Variants in KREMEN1 observed in about 807,000 individuals in gnomAD.
KREMEN1 encodes the protein kringle containing transmembrane protein 1.
A neutral mutation model predicts 46.5 loss-of-function variants in KREMEN1; 30 were observed. That is an observed-to-expected ratio of 0.65 (90% CI 0.48 to 0.88). KREMEN1 has a LOEUF of 0.88. Ranked by LOEUF, KREMEN1 falls within the 40% of genes least tolerant of loss-of-function variation. KREMEN1 has a pLI of 0.00. For synonymous variants in KREMEN1, 214 were observed against 230.6 expected, an observed-to-expected ratio of 0.93 and a Z score of 0.65; for missense variants, 533 against 596.9, an observed-to-expected ratio of 0.89 and a Z score of 1.11.
At chr22:29,087,550 C>A (rs145935330) in intron 1 of KREMEN1, among the ~76,000 whole-genome samples, 39 of 151,320 alleles carry the variant, frequency 2.6e-4, no homozygotes, top group Admixed American at 2.6e-3. Context: ...GTTTTCCTAC[C>A]ACTATCTTAT....
chr22:29,147,012 T>C (rs1303144390), downstream of KREMEN1, among the ~76,000 whole-genome samples: 1 of 152,104 alleles, frequency 6.6e-6, no homozygotes, highest in Non-Finnish European at 1.5e-5. Context: ...CTTCAGCTGG[T>C]ACGATCTGAA....
chr22:29,141,517 A>G (rs2038762636), intron 8 of KREMEN1, among the ~76,000 whole-genome samples: 1 of 152,244 alleles, frequency 6.6e-6, no homozygotes, highest in South Asian at 2.1e-4. Context: ...GGGGCTGAAC[A>G]GAGTCCGGGC....
At chr22:29,148,339 G>A (rs183732669), downstream of KREMEN1, among the ~76,000 whole-genome samples, 3 of 152,294 alleles carry the variant, frequency 2.0e-5, no homozygotes, top group East Asian at 1.9e-4. Flanking sequence ...GGGGGACAGC[G>A]TCCTGGGATG....
chr22:29,138,882 T>C, intron 7 of KREMEN1, 100 bp downstream of exon 7: 1 of 1,557,232 alleles, frequency 6.4e-7, no homozygotes, highest in Non-Finnish European at 8.8e-7. Context: ...GTGTTTCTTA[T>C]TCAGAGGCAG....
At chr22:29,121,121 A>AT (rs2145813639) in intron 3 of KREMEN1, among the ~76,000 whole-genome samples, 1 of 148,296 alleles carries the variant, frequency 6.7e-6, no homozygotes, top group East Asian at 2.0e-4. Context: ...TTAAATACGT[A>AT]TTCGGTTAGT....
chr22:29,162,087 A>G (rs1029390472), intron 9 of KREMEN1, among the ~76,000 whole-genome samples: 3 of 151,834 alleles, frequency 2.0e-5, no homozygotes, highest in Admixed American at 6.6e-5. Context: ...ACTGCACTCT[A>G]GCCTGAATAA....
At chr22:29,083,474 G>A (rs986342082) in intron 1 of KREMEN1, among the ~76,000 whole-genome samples, 2 of 152,178 alleles carry the variant, frequency 1.3e-5, no homozygotes, top group African/African-American at 4.8e-5. Flanking sequence ...CAATTTGATG[G>A]TTGTGATACG....
At chr22:29,103,975 G>C (rs2038012012) in intron 3 of KREMEN1, among the ~76,000 whole-genome samples, 1 of 152,118 alleles carries the variant, frequency 6.6e-6, no homozygotes, top group Admixed American at 6.5e-5. Context: ...TTAAAAAAAA[G>C]TGGATTATTT....
intron 1 of KREMEN1, among the ~76,000 whole-genome samples, chr22:29,089,827 C>G (rs181561269): frequency 6.6e-6 from 1 of 152,184 alleles, no homozygotes; most frequent in Non-Finnish European, 1.5e-5. Flanking sequence ...TTTGCAGGGG[C>G]TTTGCATTTG....
chr22:29,141,045 T>C (rs967758436), intron 8 of KREMEN1, among the ~76,000 whole-genome samples: 1 of 152,196 alleles, frequency 6.6e-6, no homozygotes, highest in African/African-American at 2.4e-5. Context: ...TGAAAATGTA[T>C]GTATGTCCAC....
intron 3 of KREMEN1, among the ~76,000 whole-genome samples, chr22:29,109,526 A>G (rs2038110757): frequency 6.6e-6 from 1 of 152,202 alleles, no homozygotes; most frequent in South Asian, 2.1e-4. Context: ...TGGTGGCTGA[A>G]TGGGTCAGGG....
Position 29,093,332 on chromosome 22 carries a change from A to G in KREMEN1, c.98-926A>G, listed in dbSNP as rs115017683. Among the ~76,000 whole-genome samples, 1,242 of 152,306 alleles carry G rather than the reference A, an allele frequency of 8.2e-3. 14 individuals carry two copies. The highest frequency in any genetic ancestry group is 0.027 in the African/African-American group (1,119 of 41,562). ...ACTCCCCCAGGTTGTCAGTTTTCTA[A>G]TGATATATCTTAAAGAAGTGTTTGA... On this transcript the variant is annotated intron_variant, in intron 1 of 8. Coordinates refer to ENST00000400335, the MANE Select transcript of KREMEN1 (RefSeq NM_001039570.3).
chr22:29,121,732 G>C (rs2038360078), intron 4 of KREMEN1, among the ~76,000 whole-genome samples: 1 of 152,116 alleles, frequency 6.6e-6, no homozygotes, highest in South Asian at 2.1e-4. Flanking sequence ...TTCTTTTCTG[G>C]GTTATGAATG....
intron 3 of KREMEN1, among the ~76,000 whole-genome samples, chr22:29,120,635 G>A (rs1334261880): frequency 6.6e-6 from 1 of 152,140 alleles, no homozygotes; most frequent in Non-Finnish European, 1.5e-5. Context: ...AAGGAGAGGT[G>A]CTGACGGAAA....
Position 29,143,971 on chromosome 22 carries a change from G to A in KREMEN1, c.*1859G>A, listed in dbSNP as rs1420251269. 8.1e-6 allele frequency: 8 copies of A among 985,258 alleles called. No individual in the cohort carries two copies. The highest frequency in any genetic ancestry group is 9.6e-6 in the Non-Finnish European group (8 of 829,884). 61.0% of individuals were successfully genotyped at this position (985,258 alleles called of 1,614,324 possible). A position where few individuals can be genotyped will look rare whatever the true frequency, so the allele number is the denominator to read the frequency against. ...CCTCCTAAGATTGAGTGCTGCAGCT[G>A]TAGTGGCTGCTGGTTGGGAGAGTAA... is the stretch of plus-strand genomic sequence containing the variant. On this transcript the variant is annotated 3_prime_UTR_variant, in exon 9 of 9. Transcript: ENST00000400335.
At chr22:29,121,507 A>G (rs2038356625) in intron 4 of KREMEN1, 26 bp downstream of exon 4, 1 of 1,607,956 alleles carries the variant, frequency 6.2e-7, no homozygotes, top group African/African-American at 1.3e-5. Context: ...CTGTGTAACT[A>G]TAGAAAAATA....
chr22:29,159,127 T>TTG (rs1282809894), intron 9 of KREMEN1, among the ~76,000 whole-genome samples: 7,556 of 53,260 alleles, frequency 0.14, 771 homozygotes, highest in African/African-American at 0.23. Context: ...GCCAAGTGTT[T>TTG]TTTTTTTTTT....
At chr22:29,107,933 T>C (rs1335143218) in intron 3 of KREMEN1, among the ~76,000 whole-genome samples, 2 of 152,162 alleles carry the variant, frequency 1.3e-5, no homozygotes, top group Non-Finnish European at 2.9e-5. Flanking sequence ...AAAAAAGCCA[T>C]ATATTTCAAC....
At chr22:29,164,300 C>T (rs986283541) in intron 9 of KREMEN1, among the ~76,000 whole-genome samples, 3 of 152,102 alleles carry the variant, frequency 2.0e-5, no homozygotes, top group African/African-American at 7.2e-5. Flanking sequence ...TTGGCTGGAA[C>T]GGTTGAAGGA....
Sources: allele counts gnomAD v4.1 joint callset (sites outside exome capture counted in the v4.1 genomes callset), GRCh38; gene constraint gnomAD v4.1.1; transcripts MANE v1.5; gene names NCBI Gene and HGNC (gene_info 2026-07-23, HGNC 2026-07-21).